RBM6: variants seen among roughly 807,000 people sequenced by gnomAD.
RBM6 encodes the protein RNA binding motif protein 6.
In RBM6, 23 loss-of-function variants were observed where a neutral mutation model predicts 140.4. The ratio of observed to expected loss-of-function variants is 0.16; its 90% CI spans 0.12 to 0.23. The LOEUF is 0.23. Among genes scored for constraint, RBM6 ranks in the 10% least tolerant of loss-of-function variants. The pLI is 1.00. For synonymous variants in RBM6, 439 were observed against 475.6 expected, an observed-to-expected ratio of 0.92 and a Z score of 1.00; for missense variants, 1,139 against 1,386.7, an observed-to-expected ratio of 0.82 and a Z score of 2.84.
Position 49,979,382 on chromosome 3 carries a change from C to T in RBM6, c.1483+3990C>T, listed in dbSNP as rs905283602. On this transcript the variant is annotated intron_variant, in intron 5 of 20. Coordinates refer to ENST00000266022, the MANE Select transcript of RBM6 (RefSeq NM_005777.3). ...TGACATTGTGAATGTACTTAATGCT[C>T]CTGAATTGTACACTTTAAAATGATG... 2.0e-5 allele frequency among the ~76,000 whole-genome samples: 3 copies of T among 151,246 alleles called. No homozygotes were observed. The South Asian group carries it at 6.3e-4, about 32-fold the overall frequency.
chr3:50,071,776 A>G (rs916241376), intron 19 of RBM6, among the ~76,000 whole-genome samples: 3 of 152,236 alleles, frequency 2.0e-5, no homozygotes, highest in Non-Finnish European at 4.4e-5. Context: ...GAGAAGGGAC[A>G]GTAAAGTCCT....
chr3:49,964,099 G>A (rs1278302884), intron 2 of RBM6, among the ~76,000 whole-genome samples: 8 of 151,836 alleles, frequency 5.3e-5, no homozygotes, highest in East Asian at 1.9e-4. Flanking sequence ...TAGAGATGGC[G>A]TTTCACCATG....
rs202162261 is a variant in RBM6 at position 50,054,423 on chromosome 3, T to C, written c.1693+28T>C. 1.2e-5 allele frequency: 19 copies of C among 1,567,294 alleles called. 1 individual carries two copies. The South Asian group carries it at 1.8e-4, about 15-fold the overall frequency. ...GAGTGGCGAAAGTGGTAGCAGTTTT[T>C]ATCTCGTGCATTGAGCAAAACAAAT... On this transcript the variant is annotated intron_variant, in intron 8 of 20. Transcript: ENST00000266022.
At chr3:50,015,116 T>C (rs970218158) in intron 6 of RBM6, among the ~76,000 whole-genome samples, 3 of 151,486 alleles carry the variant, frequency 2.0e-5, no homozygotes, top group Non-Finnish European at 4.4e-5. Context: ...TTTTACTTTT[T>C]TTTCTTTTGA....
intron 7 of RBM6, among the ~76,000 whole-genome samples, chr3:50,051,939 G>A (rs1167381365): frequency 6.6e-6 from 1 of 152,194 alleles, no homozygotes; most frequent in Non-Finnish European, 1.5e-5. Context: ...TAAGAATGGG[G>A]GAGGTAACTC....
intron 3 of RBM6, among the ~76,000 whole-genome samples, chr3:49,969,815 C>T (rs2084701818): frequency 6.6e-6 from 1 of 151,776 alleles, no homozygotes; most frequent in Admixed American, 6.6e-5. Flanking sequence ...GTCGCTCAGG[C>T]TGAAGTGCAG....
At chr3:49,965,480 T>TAA (rs2084466176) in intron 2 of RBM6, among the ~76,000 whole-genome samples, 1 of 151,740 alleles carries the variant, frequency 6.6e-6, no homozygotes, top group Admixed American at 6.6e-5. Flanking sequence ...CCATCCTGGC[T>TAA]AACACGGTGA....
At chr3:50,033,789 A>G (rs1242390371) in intron 6 of RBM6, among the ~76,000 whole-genome samples, 1 of 152,046 alleles carries the variant, frequency 6.6e-6, no homozygotes, top group Non-Finnish European at 1.5e-5. Flanking sequence ...CTACAGGTGC[A>G]TACCACCACG....
At chr3:50,012,326 G>A (rs2086886837) in intron 6 of RBM6, among the ~76,000 whole-genome samples, 1 of 151,874 alleles carries the variant, frequency 6.6e-6, no homozygotes, top group African/African-American at 2.4e-5. Flanking sequence ...GGGATTACAG[G>A]CATGAACCAC....
intron 19 of RBM6, among the ~76,000 whole-genome samples, chr3:50,073,559 T>C (rs538882939): frequency 9.5e-4 from 145 of 152,314 alleles, no homozygotes; most frequent in Non-Finnish European, 1.4e-3. Flanking sequence ...TTCCAACATA[T>C]GTACTTTGAG....
intron 2 of RBM6, 100 bp downstream of exon 2, chr3:49,962,785 A>G (rs1352152543): frequency 1.6e-6 from 2 of 1,233,796 alleles, no homozygotes; most frequent in Non-Finnish European, 2.2e-6. Flanking sequence ...CTGTGGAGAA[A>G]TAGTTTCTGA....
intron 7 of RBM6, 89 bp from the exon 8 acceptor site, chr3:50,054,246 C>CT (rs373467864): frequency 6.7e-6 from 7 of 1,039,660 alleles, no homozygotes; most frequent in South Asian, 1.5e-5. Context: ...TGGCTTGTTT[C>CT]TTTCATTTTT....
At chr3:50,058,118 A>T in intron 9 of RBM6, 115 bp downstream of exon 9, 1 of 1,288,352 alleles carries the variant, frequency 7.8e-7, no homozygotes, top group Non-Finnish European at 1.1e-6. Context: ...TCTGTGCATG[A>T]CCTGATGACA....
At chr3:49,995,642 A>G (rs1187330284) in intron 5 of RBM6, among the ~76,000 whole-genome samples, 1 of 152,166 alleles carries the variant, frequency 6.6e-6, no homozygotes, top group Non-Finnish European at 1.5e-5. Context: ...TAATAGTCAT[A>G]TAAATAAGCA....
intron 3 of RBM6, 118 bp downstream of exon 3, chr3:49,968,866 G>A (rs537580669): frequency 1.8e-4 from 225 of 1,252,446 alleles, no homozygotes; most frequent in Non-Finnish European, 2.1e-4. Flanking sequence ...TGCAAGCTCC[G>A]CCTCCTGGGT....
chr3:49,941,863 C>T (rs923560107), intron 1 of RBM6, among the ~76,000 whole-genome samples: 2 of 150,866 alleles, frequency 1.3e-5, no homozygotes, highest in African/African-American at 2.4e-5. Context: ...CCACCGTGCC[C>T]GGCCCTGTTA....
chr3:50,027,950 G>A (rs142613277), intron 6 of RBM6, among the ~76,000 whole-genome samples: 1,526 of 152,252 alleles, frequency 0.01, 17 homozygotes, highest in Non-Finnish European at 0.017. Context: ...TGAAAACATG[G>A]CATACTCATA....
chr3:50,018,808 C>G (rs1323279235), intron 6 of RBM6, among the ~76,000 whole-genome samples: 1 of 151,838 alleles, frequency 6.6e-6, no homozygotes, highest in African/African-American at 2.4e-5. Context: ...CCAGGATGGT[C>G]TTGATCTTGT....
rs1181104974 is a variant in RBM6 at position 50,077,005 on chromosome 3, C to A, written c.3247-3C>A. 9 of 1,606,134 alleles carry A rather than the reference C, an allele frequency of 5.6e-6. No individual in the cohort carries two copies. The highest frequency in any genetic ancestry group is 2.0e-4 in the Middle Eastern group (1 of 4,964). ...CACTTCATAGTTTGTCTTTGTTTTA[C>A]AGGCTGAAGGCCGGATGAGGGGCCC... On this transcript the variant is annotated splice_region_variant and splice_polypyrimidine_tract_variant and intron_variant, in intron 20 of 20. Coordinates refer to ENST00000266022, the MANE Select transcript of RBM6 (RefSeq NM_005777.3).
Sources: gnomAD v4.1 joint callset for allele counts (sites outside exome capture counted in the v4.1 genomes callset) on GRCh38, gnomAD v4.1.1 for gene constraint, MANE v1.5 for transcripts, NCBI Gene and HGNC (gene_info 2026-07-23, HGNC 2026-07-21) for gene names.